The following CNN2 variants were observed in gnomAD, a reference collection of about 807,000 sequenced individuals.
CNN2 encodes calponin 2, also known as calponin-2.
In CNN2, 21 loss-of-function variants were observed where a neutral mutation model predicts 31.0. The observed-to-expected ratio is 0.68, with a 90% CI of 0.48 to 0.98. The LOEUF (loss-of-function observed/expected upper bound fraction) is 0.98, where lower values mean the gene tolerates loss of function less well. Among genes scored for constraint, CNN2 ranks in the 50% least tolerant of loss-of-function variants. The probability of loss-of-function intolerance (pLI) is 0.00; values close to 1 mark genes in which losing one functional copy is unlikely to be tolerated. For synonymous variants in CNN2, 165 were observed against 179.6 expected (o/e 0.92, Z 0.65); for missense variants, 399 against 427.3 (o/e 0.93, Z 0.58).
rs10426279 is a variant in CNN2 at position 1,038,926 on chromosome 19, G to A, written c.*1026G>A. 0.026 allele frequency: 3,902 copies of A among 152,428 alleles called. 173 individuals are homozygous for A. The highest frequency in any genetic ancestry group is 0.089 in the African/African-American group (3,690 of 41,490). The allele number at this position is 152,428 out of a possible 1,614,324, so 9.4% of individuals were successfully genotyped here. A position where few individuals can be genotyped will look rare whatever the true frequency, so the allele number is the denominator to read the frequency against. On this transcript the variant is annotated 3_prime_UTR_variant, in exon 7 of 7. Transcript: ENST00000263097. ...CCCTCCTCCCTTCTGGGCCCGACCA[G>A]CTTATACTGCTCCATCTTCCCCGGC...
chr19:1,036,011 C>A, intron 4 of CNN2, 119 bp from the exon 5 acceptor site: 1 of 1,420,082 alleles, frequency 7.0e-7, no homozygotes. Context: ...CCTGTGGGGG[C>A]TCTGCGCGGC....
intron 1 of CNN2, 41 bp from the exon 2 acceptor site, chr19:1,031,030 G>A (rs1568170522): frequency 1.9e-6 from 3 of 1,578,070 alleles, no homozygotes; most frequent in Admixed American, 1.8e-5. Context: ...TGCTGGGGGT[G>A]CCCCCAGCCC....
intron 4 of CNN2, chr19:1,032,969 G>A: frequency 8.3e-6 from 3 of 362,262 alleles, no homozygotes; most frequent in Non-Finnish European, 1.6e-5. Flanking sequence ...AGTGGAGACT[G>A]GGTTTCACCA....
rs1470111058 is a variant in CNN2, at chr19:1,037,761, T to G, written c.791T>G (p.Leu264Arg). 3.7e-6 allele frequency: 6 copies of G among 1,611,544 alleles called. No homozygotes were observed. Among genetic ancestry groups the G allele is most frequent in the Non-Finnish European group, 5.1e-6 (6 of 1,180,040 alleles). Residue 264 changes from leucine (L) to arginine (R), a missense_variant, in exon 7 of 7, where the codon CTG (leucine) becomes CGG (arginine). Transcript: ENST00000263097. ...GANQSGQVFG[L>R]GRQIYDPKYC... Reference sequence around the variant, plus strand: ...AACCAGAGCGGCCAGGTCTTCGGCCTGGGCCGGCAGATATATGACCCCAAG... The same window carrying G: ...AACCAGAGCGGCCAGGTCTTCGGCCGGGGCCGGCAGATATATGACCCCAAG...
In CNN2 at chr19:1,036,041, C is replaced by T. The variant is rs757927458; in HGVS notation, c.391-89C>T. ...CGCGGCAGGCAGAGGTGACAGGCCG[C>T]GGCCTGGTCTCTGTCCCGCCCCCAG... is the stretch of plus-strand genomic sequence containing the variant. On this transcript the variant is annotated intron_variant, in intron 4 of 6. Coordinates refer to ENST00000263097, the MANE Select transcript of CNN2 (RefSeq NM_004368.4). 73 of 1,471,024 alleles carry T rather than the reference C, an allele frequency of 5.0e-5. 1 individual carries two copies. In the South Asian group the frequency reaches 5.9e-4, roughly 12 times the overall value. 91.1% of individuals were successfully genotyped at this position (1,471,024 alleles called of 1,614,324 possible).
At chr19:1,031,889 C>T (rs2039504072) in intron 2 of CNN2, among the ~76,000 whole-genome samples, 1 of 151,932 alleles carries the variant, frequency 6.6e-6, no homozygotes, top group Admixed American at 6.6e-5. Flanking sequence ...AAGTGCTGGG[C>T]TTACAGGCCT....
chr19:1,027,090 G>A lies in CNN2; in HGVS notation c.63+366G>A, dbSNP rs372815807. On this transcript the variant is annotated intron_variant, in intron 1 of 6. Transcript: ENST00000263097. ...TCCGTTCAAGGTCCGACAACGCTCT[G>A]GGGGTCTGGGGGGGACCCCAGCAAC... 1.3e-4 allele frequency: 27 copies of A among 203,516 alleles called. No homozygotes were observed. The South Asian group carries it at 2.4e-3, about 18-fold the overall frequency. 12.6% of individuals were successfully genotyped at this position (203,516 alleles called of 1,614,324 possible).
intron 6 of CNN2, 145 bp downstream of exon 6, chr19:1,036,707 C>A: frequency 1.1e-6 from 1 of 951,014 alleles, no homozygotes; most frequent in Non-Finnish European, 1.6e-6. Flanking sequence ...TCCCTCCCCG[C>A]TCTCTGTCTC....
intron 2 of CNN2, among the ~76,000 whole-genome samples, chr19:1,031,447 C>T (rs1056579620): frequency 2.0e-5 from 3 of 149,984 alleles, no homozygotes; most frequent in Non-Finnish European, 4.4e-5. Flanking sequence ...CACCTGTAAT[C>T]CCAGCTACTC....
At chr19:1,036,360 G>T (rs772683623) in intron 5 of CNN2, 56 bp from the exon 6 acceptor site, 10 of 1,594,934 alleles carry the variant, frequency 6.3e-6, no homozygotes, top group Non-Finnish European at 7.7e-6. Context: ...CAATTTCAGG[G>T]AGGGACCGGA....
intron 2 of CNN2, 83 bp downstream of exon 2, chr19:1,031,275 T>TG (rs565285481): frequency 2.6e-6 from 3 of 1,158,966 alleles, no homozygotes; most frequent in Non-Finnish European, 2.2e-6. Context: ...AAGAAATTTT[T>TG]GGGGGGCCGG....
intron 1 of CNN2, 88 bp downstream of exon 1, chr19:1,026,812 T>C (rs1599503514): frequency 1.5e-6 from 2 of 1,315,176 alleles, no homozygotes; most frequent in East Asian, 2.9e-5. Flanking sequence ...CCCCGGCACC[T>C]CCCGGGCAGG....
chr19:1,032,750 G>T (rs1456170494), intron 4 of CNN2, 54 bp downstream of exon 4: 2 of 1,389,626 alleles, frequency 1.4e-6, no homozygotes, highest in Non-Finnish European at 2.0e-6. Context: ...CGAGGTGGAT[G>T]TAGCTGCTGC....
At chr19:1,026,777 G>T in intron 1 of CNN2, 53 bp downstream of exon 1, 1 of 1,521,878 alleles carries the variant, frequency 6.6e-7, no homozygotes, top group South Asian at 1.2e-5. Context: ...CGCACGCTCC[G>T]ACCGGTGCAG....
At chr19:1,036,271 A>AGGGACCACGGCATTGG in intron 5 of CNN2, 25 bp downstream of exon 5, 2 of 1,569,060 alleles carry the variant, frequency 1.3e-6, no homozygotes, top group South Asian at 2.4e-5. Context: ...CCCCAGCCCC[A>AGGGACCACGGCATTGG]GGGACCACGG....
At chr19:1,032,154 G>T (rs2039507783) in intron 2 of CNN2, among the ~76,000 whole-genome samples, 1 of 150,944 alleles carries the variant, frequency 6.6e-6, no homozygotes, top group African/African-American at 2.4e-5. Context: ...AGAATCACTT[G>T]AACCCGGGAG....
chr19:1,032,839 C>T (rs1321808254), intron 4 of CNN2, 143 bp downstream of exon 4: 12 of 661,704 alleles, frequency 1.8e-5, no homozygotes, highest in East Asian at 5.7e-5. Context: ...AGTGCAATGG[C>T]GTGATCTCAG....
intron 1 of CNN2, chr19:1,030,810 G>C: frequency 5.7e-6 from 2 of 352,882 alleles, no homozygotes; most frequent in Non-Finnish European, 1.1e-5. Context: ...GAGTGGATTA[G>C]AGCTGATGTT....
At chr19:1,031,336 GGT>G in intron 2 of CNN2, 144 bp downstream of exon 2, 1 of 345,594 alleles carries the variant, frequency 2.9e-6, no homozygotes, top group Non-Finnish European at 4.9e-6. Flanking sequence ...GGCCGAGGGT[GGT>G]GGCGGGGGGC....
Sources: allele counts gnomAD v4.1 joint callset (sites outside exome capture counted in the v4.1 genomes callset), GRCh38; gene constraint gnomAD v4.1.1; transcripts MANE v1.5; gene names NCBI Gene and HGNC (gene_info 2026-07-23, HGNC 2026-07-21).